FRMPD3: variants seen among roughly 807,000 people sequenced by gnomAD.
The protein encoded by FRMPD3 is FERM and PDZ domain containing 3.
A neutral mutation model predicts 97.9 loss-of-function variants in FRMPD3; 42 were observed. The ratio of observed to expected loss-of-function variants is 0.43; its 90% confidence interval spans 0.34 to 0.55. The LOEUF is 0.55. Among genes scored for constraint, FRMPD3 ranks in the 20% least tolerant of loss-of-function variants. The pLI is 0.03. For synonymous variants in FRMPD3, 577 were observed against 581.1 expected (o/e 0.99, Z 0.10); for missense variants, 1,303 against 1,457.7 (o/e 0.89, Z 1.73).
intron 1 of FRMPD3, among the ~76,000 whole-genome samples, chrX:107,494,252 C>T (rs757466809): frequency 1.8e-5 from 2 of 111,851 alleles, no homozygotes; most frequent in South Asian, 7.6e-4. Context: ...AAATACTTTC[C>T]TTGAGCTGGA....
intron 1 of FRMPD3, among the ~76,000 whole-genome samples, chrX:107,487,786 C>T (rs1056759112): frequency 1.8e-5 from 2 of 111,832 alleles, no homozygotes; most frequent in African/African-American, 3.3e-5. Context: ...TAAGAAGTGC[C>T]GGTTGTCCAT....
At chrX:107,568,566 CAAAA>C (rs749398991) in intron 12 of FRMPD3, among the ~76,000 whole-genome samples, 2 of 52,829 alleles carry the variant, frequency 3.8e-5, no homozygotes, top group Non-Finnish European at 3.8e-5. Flanking sequence ...ACTAAAAATG[CAAAA>C]AAAAAAAAAA....
intron 12 of FRMPD3, among the ~76,000 whole-genome samples, chrX:107,569,537 T>C (rs141306084): frequency 0.056 from 6,145 of 110,125 alleles, 427 homozygotes; most frequent in African/African-American, 0.19. Flanking sequence ...TTCCCTGGGC[T>C]CAGTAAGAAT....
intron 12 of FRMPD3, among the ~76,000 whole-genome samples, chrX:107,570,472 A>G (rs1230835463): frequency 9.0e-6 from 1 of 110,653 alleles, no homozygotes. Flanking sequence ...TTTAAAAACC[A>G]CTGGATGCCC....
intron 1 of FRMPD3, among the ~76,000 whole-genome samples, chrX:107,485,926 GCCT>G (rs1921492787): frequency 8.9e-6 from 1 of 111,882 alleles, no homozygotes; most frequent in African/African-American, 3.2e-5. Context: ...TCAGGCACCA[GCCT>G]ATAAAAACCA....
intron 5 of FRMPD3, among the ~76,000 whole-genome samples, chrX:107,548,408 C>T (rs1007170332): frequency 2.7e-5 from 3 of 112,130 alleles, no homozygotes; most frequent in Non-Finnish European, 5.6e-5. Context: ...TTTTCCATTC[C>T]TATAGAACTG....
chrX:107,526,499 C>A (rs1381873177), intron 1 of FRMPD3, 83 bp from the exon 2 acceptor site: 33 of 941,943 alleles, frequency 3.5e-5, no homozygotes, highest in Non-Finnish European at 4.6e-5. Context: ...AGGGCCAGAA[C>A]CCTAACTGGC....
chrX:107,590,513 C>T (rs1923857073), intron 13 of FRMPD3, among the ~76,000 whole-genome samples: 2 of 112,013 alleles, frequency 1.8e-5, no homozygotes, highest in African/African-American at 6.5e-5. Context: ...CCTTTTATTC[C>T]TAGTTTATTG....
chrX:107,557,795 GTC>G (rs1398083558), intron 8 of FRMPD3, among the ~76,000 whole-genome samples: 8 of 26,606 alleles, frequency 3.0e-4, no homozygotes, highest in South Asian at 2.9e-3. Flanking sequence ...AAAATCTGTT[GTC>G]TATATATATA....
At chrX:107,489,554 T>A (rs1243491993) in intron 1 of FRMPD3, among the ~76,000 whole-genome samples, 4 of 112,310 alleles carry the variant, frequency 3.6e-5, no homozygotes, top group Admixed American at 9.4e-5. Context: ...GGTATCTCAT[T>A]GTGGTTTTGA....
At chrX:107,548,543 T>C (rs1158739980) in intron 5 of FRMPD3, among the ~76,000 whole-genome samples, 1 of 112,875 alleles carries the variant, frequency 8.9e-6, no homozygotes, top group East Asian at 2.8e-4. Context: ...CCAGGAACTT[T>C]GTTTAGTGTT....
intron 4 of FRMPD3, among the ~76,000 whole-genome samples, chrX:107,538,560 A>T (rs958185959): frequency 9.2e-6 from 1 of 108,351 alleles, no homozygotes; most frequent in African/African-American, 3.4e-5. Context: ...AAAAAAAAAA[A>T]AAAAACCACT....
At chrX:107,450,078 C>T (rs1299475634) in intron 1 of FRMPD3, among the ~76,000 whole-genome samples, 73 bp downstream of exon 1, 4 of 110,191 alleles carry the variant, frequency 3.6e-5, no homozygotes, top group Non-Finnish European at 7.7e-5. Flanking sequence ...GCGGCGGGAG[C>T]GTTCCGCCCC....
intron 2 of FRMPD3, 113 bp downstream of exon 2, chrX:107,526,849 T>TCA: frequency 2.5e-6 from 2 of 814,637 alleles, no homozygotes; most frequent in Non-Finnish European, 3.4e-6. Context: ...GAAGAATTCA[T>TCA]GAAGACTGGT....
At chrX:107,581,464 T>TAA (rs1281325612) in intron 13 of FRMPD3, among the ~76,000 whole-genome samples, 1 of 102,316 alleles carries the variant, frequency 9.8e-6, no homozygotes. Flanking sequence ...AGCTGTGCTT[T>TAA]AAAAAAAAAA....
chrX:107,543,488 CAGAG>C (rs1209231739), intron 4 of FRMPD3, among the ~76,000 whole-genome samples: 2 of 111,255 alleles, frequency 1.8e-5, no homozygotes, highest in Non-Finnish European at 3.8e-5. Flanking sequence ...GTCTCATCCT[CAGAG>C]AGGTCTTCCC....
At chrX:107,468,330 A>T (rs1931610717) in intron 1 of FRMPD3, among the ~76,000 whole-genome samples, 1 of 111,930 alleles carries the variant, frequency 8.9e-6, no homozygotes, top group Non-Finnish European at 1.9e-5. Context: ...CAGGTGAAAT[A>T]TTTTTTTCAT....
chrX:107,480,624 G>A (rs910946665), intron 1 of FRMPD3, among the ~76,000 whole-genome samples: 2 of 109,011 alleles, frequency 1.8e-5, no homozygotes, highest in Admixed American at 9.9e-5. Flanking sequence ...GAGGTCAGGA[G>A]TTTGAGACCA....
intron 1 of FRMPD3, among the ~76,000 whole-genome samples, chrX:107,466,878 A>T (rs989656484): frequency 9.0e-6 from 1 of 111,135 alleles, no homozygotes; most frequent in African/African-American, 3.3e-5. Context: ...GAAAGGACTG[A>T]CTCTAACACC....
Sources: gnomAD v4.1 joint callset for allele counts (sites outside exome capture counted in the v4.1 genomes callset) on GRCh38, gnomAD v4.1.1 for gene constraint, MANE v1.5 for transcripts, NCBI Gene and HGNC (gene_info 2026-07-23, HGNC 2026-07-21) for gene names.